The following SLC44A5 variants were observed in gnomAD, a reference collection of about 807,000 sequenced individuals.
The protein encoded by SLC44A5 is solute carrier family 44 member 5, also known as choline transporter-like protein 5.
Under a neutral mutation model 101.8 loss-of-function variants are expected in SLC44A5, and 57 were observed. The observed-to-expected ratio is 0.56, with a 90% CI of 0.45 to 0.70. The LOEUF (loss-of-function observed/expected upper bound fraction) is 0.70, where lower values mean the gene tolerates loss of function less well. Ranked by LOEUF, SLC44A5 falls within the 30% of genes least tolerant of loss-of-function variation. The pLI, the probability that SLC44A5 is intolerant of heterozygous loss-of-function variation, is 0.00. For missense variants in SLC44A5, 737 were observed against 853.1 expected, an observed-to-expected ratio of 0.86 and a Z score of 1.70; for synonymous variants, 281 against 290.9, an observed-to-expected ratio of 0.97 and a Z score of 0.35.
At position 75,222,443 on chromosome 1, in the gene SLC44A5, T is replaced by C; in HGVS notation, c.1003A>G (p.Ile335Val). 5 of 1,611,440 alleles carry C rather than the reference T, an allele frequency of 3.1e-6. No homozygotes were observed. Among genetic ancestry groups the C allele is most frequent in the Non-Finnish European group, 4.2e-6 (5 of 1,178,384 alleles). ...WFTFMIILCI[I>V]EVIVILMLIF... is the part of the protein sequence containing the mutation. ...AGCATGAGGATGACAATCACTTCAA[T>C]GATGCAGAGTATTATCACTTTGAAC... The change falls in exon 14 of 24, where the codon ATT (isoleucine) becomes GTT (valine). Residue 335 changes from isoleucine to valine, a missense_variant. This residue lies in a region of SLC44A5 where 665 missense variants were observed against 764.4 expected (regional missense o/e 0.87). Transcript: ENST00000370859.
intron 5 of SLC44A5, among the ~76,000 whole-genome samples, chr1:75,297,983 A>G (rs989254686): frequency 6.6e-6 from 1 of 152,004 alleles, no homozygotes; most frequent in African/African-American, 2.4e-5. Context: ...ACAACAACAA[A>G]AATGTCTCTT....
intron 3 of SLC44A5, among the ~76,000 whole-genome samples, chr1:75,386,296 A>G (rs1661340004): frequency 6.6e-6 from 1 of 152,152 alleles, no homozygotes; most frequent in African/African-American, 2.4e-5. Context: ...ACATGATTGT[A>G]TATCTAGAAA....
At chr1:75,319,766 A>G (rs1655999297) in intron 4 of SLC44A5, among the ~76,000 whole-genome samples, 2 of 152,224 alleles carry the variant, frequency 1.3e-5, no homozygotes, top group South Asian at 4.1e-4. Flanking sequence ...TAATGATCAT[A>G]TATCATGAGT....
chr1:75,240,074 G>T (rs1648483505), intron 9 of SLC44A5, among the ~76,000 whole-genome samples: 1 of 151,874 alleles, frequency 6.6e-6, no homozygotes, highest in Admixed American at 6.6e-5. Context: ...CAATCTGTTA[G>T]CTTTCATTAC....
chr1:75,313,519 T>C (rs1165958824), intron 4 of SLC44A5, among the ~76,000 whole-genome samples: 1 of 152,206 alleles, frequency 6.6e-6, no homozygotes, highest in African/African-American at 2.4e-5. Flanking sequence ...TGTTGCTGTA[T>C]TGTTGGCTTT....
At chr1:75,398,745 C>T (rs1448894403) in intron 2 of SLC44A5, among the ~76,000 whole-genome samples, 1 of 152,134 alleles carries the variant, frequency 6.6e-6, no homozygotes, top group Non-Finnish European at 1.5e-5. Context: ...GATCAGTTTA[C>T]AAGATGGTTG....
intron 23 of SLC44A5, among the ~76,000 whole-genome samples, chr1:75,209,321 T>G (rs1248042070): frequency 6.6e-6 from 1 of 152,206 alleles, no homozygotes; most frequent in Non-Finnish European, 1.5e-5. Flanking sequence ...CATAAGTATT[T>G]TCAGCTACAA....
intron 3 of SLC44A5, among the ~76,000 whole-genome samples, chr1:75,375,983 C>T (rs1161587572): frequency 6.6e-6 from 1 of 152,112 alleles, no homozygotes; most frequent in Non-Finnish European, 1.5e-5. Flanking sequence ...GGTGTGTGCA[C>T]CGTGTGCGAG....
chr1:75,696,403 T>C, the SLC44A5 span, among the ~76,000 whole-genome samples: 3 of 152,174 alleles, frequency 2.0e-5, no homozygotes, highest in South Asian at 4.1e-4. Flanking sequence ...ATGACTATCA[T>C]GATAGGAAAA....
intron 4 of SLC44A5, 63 bp from the exon 5 acceptor site, chr1:75,300,748 C>A (rs770761846): frequency 9.6e-7 from 1 of 1,041,166 alleles, no homozygotes; most frequent in Non-Finnish European, 1.4e-6. Flanking sequence ...GTTTCCTGCA[C>A]AAAATGAAGG....
chr1:75,235,753 G>A (rs1047798157), intron 11 of SLC44A5, among the ~76,000 whole-genome samples: 6 of 151,852 alleles, frequency 4.0e-5, no homozygotes, highest in Non-Finnish European at 7.4e-5. Context: ...AGTGTTTTTC[G>A]TACTCTTCCC....
chr1:75,297,128 C>A (rs950233293), intron 5 of SLC44A5, among the ~76,000 whole-genome samples: 3 of 152,122 alleles, frequency 2.0e-5, no homozygotes, highest in Non-Finnish European at 4.4e-5. Context: ...TTTACTTTCT[C>A]AGCTACTAGA....
intron 2 of SLC44A5, among the ~76,000 whole-genome samples, chr1:75,409,260 C>A (rs774684092): frequency 9.9e-5 from 15 of 152,116 alleles, no homozygotes; most frequent in South Asian, 2.1e-4. Context: ...TCTCACATAG[C>A]CTATTGTTTA....
chr1:75,686,112 C>T, the SLC44A5 span, among the ~76,000 whole-genome samples: 6 of 152,270 alleles, frequency 3.9e-5, no homozygotes, highest in East Asian at 1.2e-3. Flanking sequence ...GGTTCAATTA[C>T]CTCTCACCAG....
chr1:75,642,890 CAAAT>C, the SLC44A5 span, among the ~76,000 whole-genome samples: 4 of 152,066 alleles, frequency 2.6e-5, no homozygotes, highest in Admixed American at 6.6e-5. Context: ...AAATTGTAAA[CAAAT>C]AAGTTTAGGT....
Position 75,356,114 on chromosome 1 carries a change from G to A in SLC44A5, c.53-16484C>T, listed in dbSNP as rs551163301. Among the ~76,000 whole-genome samples the A allele has an allele frequency of 4.0e-5, 6 of 150,178 alleles. No homozygotes were observed. The East Asian group carries it at 1.2e-3, about 30-fold the overall frequency. On this transcript the variant is annotated intron_variant, in intron 3 of 23. Transcript: ENST00000370859. Reference sequence around the variant, plus strand: ...TGTAACCCCAGCTACTCAGGAGGCTGAGGCATGAGAATTGCTTGAACTCAG... The same window carrying A: ...TGTAACCCCAGCTACTCAGGAGGCTAAGGCATGAGAATTGCTTGAACTCAG...
intron 10 of SLC44A5, among the ~76,000 whole-genome samples, chr1:75,237,716 A>G (rs959081980): frequency 2.6e-5 from 4 of 152,092 alleles, no homozygotes; most frequent in Admixed American, 6.6e-5. Flanking sequence ...TTTTATATCA[A>G]AGAAATCATA....
intron 2 of SLC44A5, among the ~76,000 whole-genome samples, chr1:75,419,536 AT>A (rs1663875651): frequency 6.6e-6 from 1 of 152,070 alleles, no homozygotes; most frequent in South Asian, 2.1e-4. Flanking sequence ...AAAAATGAAG[AT>A]GAAATAAAGA....
intron 1 of SLC44A5, among the ~76,000 whole-genome samples, chr1:75,572,644 C>T (rs1673132986): frequency 6.6e-6 from 1 of 152,010 alleles, no homozygotes; most frequent in African/African-American, 2.4e-5. Context: ...ATGTGTTTGT[C>T]TTACAAAGTG....
Sources: allele counts gnomAD v4.1 joint callset (sites outside exome capture counted in the v4.1 genomes callset), GRCh38; gene constraint gnomAD v4.1.1; regional missense constraint gnomAD v4.1.1; transcripts MANE v1.5; gene names NCBI Gene and HGNC (gene_info 2026-07-23, HGNC 2026-07-21).